Variants in PTPRT observed in about 807,000 individuals in gnomAD.
PTPRT encodes the protein protein tyrosine phosphatase receptor type T.
In PTPRT, 56 loss-of-function variants were observed where a neutral mutation model predicts 176.8. The ratio of observed to expected loss-of-function variants is 0.32; its 90% CI spans 0.26 to 0.40. The LOEUF is 0.40. PTPRT is among the 10% of genes least tolerant of loss of function. The pLI, the probability that PTPRT is intolerant of heterozygous loss-of-function variation, is 1.00. For synonymous variants in PTPRT, 783 were observed against 739.0 expected (o/e 1.06, Z -0.96); for missense variants, 1,540 against 1,908.2 (o/e 0.81, Z 3.60).
chr20:42,161,308 C>G, intron 17 of PTPRT, 44 bp downstream of exon 17: 1 of 1,608,630 alleles, frequency 6.2e-7, no homozygotes, highest in Non-Finnish European at 8.5e-7. Flanking sequence ...CCCAAATAAG[C>G]CTCTGAAACT....
chr20:42,555,921 T>C (rs1463861501), intron 7 of PTPRT, among the ~76,000 whole-genome samples: 1 of 152,178 alleles, frequency 6.6e-6, no homozygotes, highest in Non-Finnish European at 1.5e-5. Context: ...AAGTTTGTCA[T>C]GTAAGCCAAT....
intron 1 of PTPRT, among the ~76,000 whole-genome samples, chr20:42,916,056 T>G (rs1375098833): frequency 6.6e-6 from 1 of 152,110 alleles, no homozygotes; most frequent in Non-Finnish European, 1.5e-5. Flanking sequence ...GTTGGTGTGC[T>G]GTACCCATTA....
At chr20:42,681,913 T>A (rs1167148637) in intron 6 of PTPRT, among the ~76,000 whole-genome samples, 1 of 152,032 alleles carries the variant, frequency 6.6e-6, no homozygotes, top group Non-Finnish European at 1.5e-5. Context: ...CTCAAAAAAA[T>A]TCATGCAAAA....
chr20:42,463,213 G>A (rs185511532), intron 8 of PTPRT, among the ~76,000 whole-genome samples: 209 of 151,764 alleles, frequency 1.4e-3, no homozygotes, highest in African/African-American at 4.7e-3. Context: ...AAGACTTCTC[G>A]GCAAAAAATT....
chr20:42,717,813 A>G (rs1349492758), intron 6 of PTPRT, among the ~76,000 whole-genome samples: 1 of 152,248 alleles, frequency 6.6e-6, no homozygotes, highest in Non-Finnish European at 1.5e-5. Context: ...ACAACTCAAT[A>G]TAAAAAAACA....
chr20:42,907,798 G>A (rs1403814254), intron 1 of PTPRT, among the ~76,000 whole-genome samples: 1 of 150,424 alleles, frequency 6.6e-6, no homozygotes, highest in Non-Finnish European at 1.5e-5. Flanking sequence ...TCTCATCCAG[G>A]AGAGCCCCAT....
intron 1 of PTPRT, among the ~76,000 whole-genome samples, chr20:43,004,613 T>G (rs1984759665): frequency 6.6e-6 from 1 of 152,174 alleles, no homozygotes; most frequent in Admixed American, 6.5e-5. Flanking sequence ...AGGCATAGCT[T>G]CTAACAGAAT....
At chr20:42,198,763 C>T (rs1451334506) in intron 16 of PTPRT, among the ~76,000 whole-genome samples, 1 of 152,158 alleles carries the variant, frequency 6.6e-6, no homozygotes, top group Admixed American at 6.5e-5. Context: ...ACTCATCAGC[C>T]ATTGTATTTT....
chr20:42,374,458 A>T (rs1472886256), intron 9 of PTPRT, among the ~76,000 whole-genome samples: 1 of 152,268 alleles, frequency 6.6e-6, no homozygotes, highest in East Asian at 1.9e-4. Flanking sequence ...TTTAAAAATC[A>T]TACGGTAATA....
At chr20:42,821,961 T>C (rs2077902044) in intron 2 of PTPRT, among the ~76,000 whole-genome samples, 2 of 152,134 alleles carry the variant, frequency 1.3e-5, no homozygotes, top group Admixed American at 1.3e-4. Flanking sequence ...GAAGAATCAA[T>C]ACTGTGAAAA....
chr20:42,627,933 T>C (rs965485978), intron 7 of PTPRT, among the ~76,000 whole-genome samples: 4 of 152,118 alleles, frequency 2.6e-5, no homozygotes, highest in African/African-American at 9.7e-5. Context: ...AGTCTTGTCT[T>C]TTCTTGGGCA....
rs190689232 is a variant in PTPRT at position 42,558,054 on chromosome 20, G to T, written c.1154-85492C>A. On this transcript the variant is annotated intron_variant, in intron 7 of 30. Coordinates refer to ENST00000373187, the MANE Select transcript of PTPRT (RefSeq NM_007050.6). The stretch of plus-strand genomic sequence containing the variant: ...ATATAGATAAACTTGTGTCATGGGG[G>T]TTTGTTGTAGAGACCCCTGGTGTTC... Among the ~76,000 whole-genome samples, 283 of 152,278 alleles carry T rather than the reference G, an allele frequency of 1.9e-3. 3 individuals are homozygous for T. The highest frequency in any genetic ancestry group is 0.017 in the Admixed American group (262 of 15,288).
intron 4 of PTPRT, 149 bp downstream of exon 4, chr20:42,780,069 C>T (rs562999338): frequency 2.9e-6 from 2 of 700,314 alleles, no homozygotes; most frequent in African/African-American, 3.5e-5. Context: ...GGACTGATTG[C>T]ATTGAGTATG....
intron 1 of PTPRT, among the ~76,000 whole-genome samples, chr20:43,163,431 G>A (rs1177109261): frequency 6.6e-6 from 1 of 152,166 alleles, no homozygotes; most frequent in African/African-American, 2.4e-5. Context: ...GAGGTCACGA[G>A]ATCAAGACCA....
At chr20:42,860,823 C>T (rs1006516712) in intron 2 of PTPRT, among the ~76,000 whole-genome samples, 1 of 152,032 alleles carries the variant, frequency 6.6e-6, no homozygotes, top group East Asian at 1.9e-4. Flanking sequence ...TAACTTTATG[C>T]CATAATTATA....
chr20:42,355,198 C>A (rs189021606), intron 9 of PTPRT, among the ~76,000 whole-genome samples: 1 of 152,142 alleles, frequency 6.6e-6, no homozygotes, highest in East Asian at 1.9e-4. Flanking sequence ...TCCTTATACC[C>A]CTGCAAGCTC....
At chr20:42,187,739 C>T (rs1990838898) in intron 16 of PTPRT, among the ~76,000 whole-genome samples, 2 of 152,334 alleles carry the variant, frequency 1.3e-5, no homozygotes, top group South Asian at 4.1e-4. Context: ...ATTCTGAGTT[C>T]CATCCCAGGA....
At chr20:42,440,198 C>T (rs1195999049) in intron 9 of PTPRT, among the ~76,000 whole-genome samples, 1 of 152,158 alleles carries the variant, frequency 6.6e-6, no homozygotes, top group Non-Finnish European at 1.5e-5. Context: ...AGCCACCACA[C>T]CAGGCCAAAC....
At chr20:42,389,848 C>T (rs1288051400) in intron 9 of PTPRT, among the ~76,000 whole-genome samples, 2 of 89,686 alleles carry the variant, frequency 2.2e-5, no homozygotes, top group Non-Finnish European at 4.3e-5. Flanking sequence ...GAGCAAAACC[C>T]TGTCAAAAAA....
Sources: allele counts gnomAD v4.1 joint callset (sites outside exome capture counted in the v4.1 genomes callset), GRCh38; gene constraint gnomAD v4.1.1; transcripts MANE v1.5; gene names NCBI Gene and HGNC (gene_info 2026-07-23, HGNC 2026-07-21).